The following CCDC25 variants were observed in gnomAD, a reference collection of about 807,000 sequenced individuals.
The protein encoded by CCDC25 is coiled-coil domain containing 25.
CCDC25 carries 16 observed loss-of-function variants against 35.3 expected under a neutral mutation model. The observed-to-expected ratio is 0.45, with a 90% CI of 0.31 to 0.69. The LOEUF (loss-of-function observed/expected upper bound fraction) is 0.69. Ranked by LOEUF, CCDC25 falls within the 30% of genes least tolerant of loss-of-function variation. CCDC25 has a pLI of 0.06. For missense variants in CCDC25, 179 were observed against 250.7 expected (o/e 0.71, Z 1.93); for synonymous variants, 79 against 80.3 (o/e 0.98, Z 0.09).
chr8:27,753,155 T>G (rs545926948), intron 4 of CCDC25: 1 of 152,246 alleles, frequency 6.6e-6, no homozygotes, highest in South Asian at 2.1e-4. Flanking sequence ...GAAATTTGTA[T>G]CAAAATCAAA....
intron 3 of CCDC25, among the ~76,000 whole-genome samples, chr8:27,761,871 G>T (rs934125494): frequency 2.0e-5 from 3 of 152,084 alleles, no homozygotes; most frequent in Non-Finnish European, 4.4e-5. Context: ...CAAAATAAAT[G>T]ATCTCAAAAG....
At chr8:27,743,988 T>G (rs1373722594) in intron 7 of CCDC25, among the ~76,000 whole-genome samples, 2 of 152,202 alleles carry the variant, frequency 1.3e-5, no homozygotes, top group South Asian at 4.1e-4. Flanking sequence ...GGGGGACTAA[T>G]TAAACTTTTG....
Position 27,765,127 on chromosome 8 carries a change from G to C in CCDC25, c.76+77C>G, listed in dbSNP as rs1804356452. ...AACTCAGAACCAACAAACTGGGTGG[G>C]GGGCATGGAAGGTGGTGAGTGAGAG... On this transcript the variant is annotated intron_variant, in intron 2 of 8. Transcript: ENST00000356537. 6 of 1,333,856 alleles carry C rather than the reference G, an allele frequency of 4.5e-6. No individual in the cohort carries two copies. In the East Asian group the frequency reaches 1.4e-4, roughly 31 times the overall value. The allele number at this position is 1,333,856 out of a possible 1,614,324, so 82.6% of individuals were successfully genotyped here.
At chr8:27,764,572 C>G (rs1476382018) in intron 2 of CCDC25, 1 of 244,010 alleles carries the variant, frequency 4.1e-6, no homozygotes, top group Non-Finnish European at 8.4e-6. Context: ...AACCACCATG[C>G]CTGGCCTCTT....
chr8:27,759,779 CAAAA>C (rs77051762), intron 3 of CCDC25, among the ~76,000 whole-genome samples: 4 of 91,274 alleles, frequency 4.4e-5, no homozygotes, highest in Admixed American at 1.3e-4. Flanking sequence ...GACTCTGTCT[CAAAA>C]AAAAAAAAAA....
intron 8 of CCDC25, among the ~76,000 whole-genome samples, chr8:27,738,099 T>C (rs540407378): frequency 9.2e-5 from 14 of 152,042 alleles, no homozygotes; most frequent in Middle Eastern, 3.4e-3. Context: ...ACGATGGACT[T>C]TGGGGACTTA....
chr8:27,760,345 T>A (rs1804182018), intron 3 of CCDC25, among the ~76,000 whole-genome samples: 1 of 152,196 alleles, frequency 6.6e-6, no homozygotes, highest in Non-Finnish European at 1.5e-5. Flanking sequence ...TTTTTATGCC[T>A]CAAACCTGAT....
Position 27,762,361 on chromosome 8 carries a change from C to T in CCDC25, c.116+58G>A, listed in dbSNP as rs913983044. ...GCATGATTCTAGTTTGAATGCTTGG[C>T]CAAGTCTAAGAAAGGAAATGATGAT... On this transcript the variant is annotated intron_variant, in intron 3 of 8. Transcript: ENST00000356537. The T allele has an allele frequency of 7.4e-6, 11 of 1,484,642 alleles. No individual in the cohort carries two copies. The East Asian group carries it at 1.4e-4, about 18-fold the overall frequency. The allele number at this position is 1,484,642 out of a possible 1,614,324, so 92.0% of individuals were successfully genotyped here.
intron 6 of CCDC25, 28 bp downstream of exon 6, chr8:27,748,467 G>T: frequency 6.5e-7 from 1 of 1,543,514 alleles, no homozygotes; most frequent in Non-Finnish European, 8.9e-7. Flanking sequence ...TCAGGGCTCC[G>T]CCTCCTTCAG....
At chr8:27,741,319 G>T (rs1803430003) in intron 7 of CCDC25, among the ~76,000 whole-genome samples, 1 of 152,168 alleles carries the variant, frequency 6.6e-6, no homozygotes, top group African/African-American at 2.4e-5. Context: ...CACAAAGCCT[G>T]GACCCACAGA....
At chr8:27,748,048 T>A (rs1803663225) in intron 7 of CCDC25, 29 bp downstream of exon 7, 3 of 1,595,616 alleles carry the variant, frequency 1.9e-6, no homozygotes, top group Non-Finnish European at 2.6e-6. Context: ...ATCTTTGAGG[T>A]CAGTCTCAAT....
intron 7 of CCDC25, among the ~76,000 whole-genome samples, chr8:27,742,117 A>T: frequency 6.6e-6 from 1 of 152,230 alleles, no homozygotes; most frequent in East Asian, 1.9e-4. Context: ...GTTGCAAAGA[A>T]GATGTGCCTG....
At chr8:27,764,418 G>C in intron 2 of CCDC25, 1 of 348,876 alleles carries the variant, frequency 2.9e-6, no homozygotes, top group Non-Finnish European at 5.6e-6. Flanking sequence ...ACAGGTGTGT[G>C]TCACTATGCC....
At chr8:27,760,789 T>G in intron 3 of CCDC25, among the ~76,000 whole-genome samples, 1 of 152,184 alleles carries the variant, frequency 6.6e-6, no homozygotes, top group East Asian at 1.9e-4. Flanking sequence ...GAAGACAGGT[T>G]TTTGTGCTGG....
intron 1 of CCDC25, among the ~76,000 whole-genome samples, chr8:27,767,514 A>C (rs1303872337): frequency 2.6e-5 from 4 of 152,216 alleles, no homozygotes; most frequent in African/African-American, 9.7e-5. Flanking sequence ...AACAAACCTA[A>C]AGTGAGGGGC....
chr8:27,745,768 C>T (rs944459466), intron 7 of CCDC25, among the ~76,000 whole-genome samples: 1 of 152,220 alleles, frequency 6.6e-6, no homozygotes, highest in Admixed American at 6.5e-5. Context: ...GTTCTTCTGT[C>T]TTCTGCAGCA....
rs778258197 is a variant in CCDC25 at position 27,736,283 on chromosome 8, A to G, written c.598-38T>C. The stretch of plus-strand genomic sequence containing the variant: ...CAAAAATGAGAACATAAAAGCCTTG[A>G]AAATAATTCAATATTTAAAATTTAC... On this transcript the variant is annotated intron_variant, in intron 8 of 8. Transcript: ENST00000356537. 5.4e-6 allele frequency: 8 copies of G among 1,478,530 alleles called. No homozygotes were observed. In the African/African-American group the frequency reaches 7.1e-5, roughly 13 times the overall value. The allele number at this position is 1,478,530 out of a possible 1,614,324, so 91.6% of individuals were successfully genotyped here. A position where few individuals can be genotyped will look rare whatever the true frequency, so the allele number is the denominator to read the frequency against.
At chr8:27,754,143 ACAAAAAACAAAAAATAAAACCAGAAG>A (rs1440458734) in intron 4 of CCDC25, among the ~76,000 whole-genome samples, 2 of 152,140 alleles carry the variant, frequency 1.3e-5, no homozygotes, top group Non-Finnish European at 2.9e-5. Context: ...ATAATGAAAA[ACAAAAAACAAAAAATAAAACCAGAAG>A]GTAGTTCATG....
At chr8:27,771,585 G>A (rs1468025851) in intron 1 of CCDC25, among the ~76,000 whole-genome samples, 1 of 152,008 alleles carries the variant, frequency 6.6e-6, no homozygotes, top group Non-Finnish European at 1.5e-5. Context: ...ATGTGACCAC[G>A]GAAAGCGAAA....
Sources: gnomAD v4.1 joint callset for allele counts (sites outside exome capture counted in the v4.1 genomes callset) on GRCh38, gnomAD v4.1.1 for gene constraint, MANE v1.5 for transcripts, NCBI Gene and HGNC (gene_info 2026-07-23, HGNC 2026-07-21) for gene names.